GCC1: variants seen among roughly 807,000 people sequenced by gnomAD.
GCC1 encodes the protein GRIP and coiled-coil domain containing 1.
Under a neutral mutation model 62.5 loss-of-function variants are expected in GCC1, and 36 were observed. That is an observed-to-expected ratio of 0.58 (90% CI 0.44 to 0.76). GCC1 has a LOEUF of 0.76. GCC1 is among the 30% of genes least tolerant of loss of function. The pLI is 0.00. For missense variants in GCC1, 885 were observed against 948.3 expected (o/e 0.93, Z 0.88); for synonymous variants, 391 against 386.8 (o/e 1.01, Z -0.13).
chr7:127,585,378 C>T lies in GCC1; in HGVS notation c.-196G>A, dbSNP rs1311192630. 10 of 592,230 alleles carry T rather than the reference C, an allele frequency of 1.7e-5. No individual in the cohort carries two copies. The highest frequency in any genetic ancestry group is 2.9e-5 in the Non-Finnish European group (10 of 341,720). 36.7% of individuals were successfully genotyped at this position (592,230 alleles called of 1,614,324 possible). On this transcript the variant is annotated 5_prime_UTR_variant, in exon 1 of 2. Transcript: ENST00000321407. ...GAAAGCGGCCGCCCGGTCCCAGGCCCGGAGGGCTGGGGCGGATTCTACCCC... is the reference window on the plus strand; with the variant it reads ...GAAAGCGGCCGCCCGGTCCCAGGCCTGGAGGGCTGGGGCGGATTCTACCCC...
rs774525979 is a variant in GCC1, at chr7:127,583,005, G to A, written c.1337C>T (p.Ala446Val). The change falls in exon 2 of 2, where the codon GCG becomes GTG. Residue 446 changes from alanine to valine, a missense_variant. By Grantham distance (64) the Ala-to-Val change is moderately conservative. Coordinates refer to ENST00000321407, the MANE Select transcript of GCC1 (RefSeq NM_024523.6). ...MEKLKRLLQV[A>V]ARKSQVTLDV... ...CAGGGTCACCTGGCTTTTCCTGGCC[G>A]CAACCTGCAGCAGCCTCTTCAGCTT... 12 of 1,614,066 alleles carry A rather than the reference G, an allele frequency of 7.4e-6. No individual in the cohort carries two copies. The highest frequency in any genetic ancestry group is 3.3e-5 in the Admixed American group (2 of 60,012).
intron 1 of GCC1, 31 bp downstream of exon 1, chr7:127,584,120 G>C: frequency 6.3e-7 from 1 of 1,583,144 alleles, no homozygotes; most frequent in East Asian, 2.2e-5. Flanking sequence ...CAGGTCAATG[G>C]CTGATGTTTG....
In GCC1 at chr7:127,585,227, G is replaced by A. The variant is rs376581431; in HGVS notation, c.-45C>T. 6.6e-6 allele frequency: 10 copies of A among 1,513,286 alleles called. No individual in the cohort carries two copies. Among genetic ancestry groups the A allele is most frequent in the South Asian group, 2.6e-5 (2 of 76,766 alleles). The allele number at this position is 1,513,286 out of a possible 1,614,324, so 93.7% of individuals were successfully genotyped here. On this transcript the variant is annotated 5_prime_UTR_variant, in exon 1 of 2. Transcript: ENST00000321407. Reference sequence around the variant, plus strand: ...CCCCACGTCAGCTTTCCAGCAGAACGGGAGAGGGCCGTGAAGACGCAGGCG... The same window carrying A: ...CCCCACGTCAGCTTTCCAGCAGAACAGGAGAGGGCCGTGAAGACGCAGGCG...
Position 127,584,812 on chromosome 7 carries a change from C to G in GCC1, c.371G>C (p.Gly124Ala). The change falls in exon 1 of 2, where the codon GGA becomes GCA. Residue 124 changes from glycine to alanine, a missense_variant. Physicochemically the swap from Gly to Ala is moderately conservative, Grantham distance 60 (BLOSUM62 0). Transcript: ENST00000321407. The stretch of plus-strand genomic sequence containing the variant: ...CTCTTCGGACTTTGGAGGTGGTGGT[C>G]CACGGGCCGGTCTGTCATCTTCTAC... ...FGVEDDRPARGPPPPKSEEAS... is the reference protein window; with the variant it reads ...FGVEDDRPARAPPPPKSEEAS... 1 of 1,614,214 alleles carries G rather than the reference C, an allele frequency of 6.2e-7. No homozygotes were observed. The highest frequency in any genetic ancestry group is 8.5e-7 in the Non-Finnish European group (1 of 1,180,044).
Position 127,581,034 on chromosome 7 carries a change from T to C in GCC1, c.*980A>G, listed in dbSNP as rs1794127647. 6.6e-6 allele frequency: 1 copy of C among 152,238 alleles called. No homozygotes were observed. The highest frequency in any genetic ancestry group is 6.5e-5 in the Admixed American group (1 of 15,292). 9.4% of individuals were successfully genotyped at this position (152,238 alleles called of 1,614,324 possible). On this transcript the variant is annotated 3_prime_UTR_variant, in exon 2 of 2. Transcript: ENST00000321407. ...CCCAGGTTTAGCTGATCTTTACCACTTCCCTGTGAGAGCTACAGCAATCTT... is the reference window on the plus strand; with the variant it reads ...CCCAGGTTTAGCTGATCTTTACCACCTCCCTGTGAGAGCTACAGCAATCTT...
Position 127,581,522 on chromosome 7 carries a change from A to C in GCC1, c.*492T>G, listed in dbSNP as rs1794133674. ...CTAGTGGATGATATGTCACTATTTCAAACTTCCTGGTCCCTTTCCAGCCTG... is the reference window on the plus strand; with the variant it reads ...CTAGTGGATGATATGTCACTATTTCCAACTTCCTGGTCCCTTTCCAGCCTG... On this transcript the variant is annotated 3_prime_UTR_variant, in exon 2 of 2. Coordinates refer to ENST00000321407, the MANE Select transcript of GCC1 (RefSeq NM_024523.6). 6.3e-6 allele frequency: 1 copy of C among 158,140 alleles called. No individual in the cohort carries two copies. Among genetic ancestry groups the C allele is most frequent in the Non-Finnish European group, 1.4e-5 (1 of 71,566 alleles). 9.8% of individuals were successfully genotyped at this position (158,140 alleles called of 1,614,324 possible). A position where few individuals can be genotyped will look rare whatever the true frequency, so the allele number is the denominator to read the frequency against.
Position 127,581,959 on chromosome 7 carries a change from T to C in GCC1, c.*55A>G. The C allele has an allele frequency of 7.4e-7, 1 of 1,354,244 alleles. No individual in the cohort carries two copies. Among genetic ancestry groups the C allele is most frequent in the Non-Finnish European group, 1.0e-6 (1 of 962,556 alleles). 83.9% of individuals were successfully genotyped at this position (1,354,244 alleles called of 1,614,324 possible). A position where few individuals can be genotyped will look rare whatever the true frequency, so the allele number is the denominator to read the frequency against. ...AGAAGAGGCAGCAGAAACCAGAGCC[T>C]GCCCTTTCCCACATAAAAGAGGCAC... On this transcript the variant is annotated 3_prime_UTR_variant, in exon 2 of 2. Coordinates refer to ENST00000321407, the MANE Select transcript of GCC1 (RefSeq NM_024523.6).
Position 127,581,846 on chromosome 7 carries a change from A to T in GCC1, c.*168T>A. 1.6e-6 allele frequency: 1 copy of T among 616,420 alleles called. No individual in the cohort carries two copies. The highest frequency in any genetic ancestry group is 2.9e-6 in the Non-Finnish European group (1 of 350,810). 38.2% of individuals were successfully genotyped at this position (616,420 alleles called of 1,614,324 possible). A position where few individuals can be genotyped will look rare whatever the true frequency, so the allele number is the denominator to read the frequency against. ...TATCTCTAGGGCCTAAGGATAAAGC[A>T]GCATTAATGGCATTTGGCAGAAAAT... On this transcript the variant is annotated 3_prime_UTR_variant, in exon 2 of 2. Coordinates refer to ENST00000321407, the MANE Select transcript of GCC1 (RefSeq NM_024523.6).
At position 127,580,687 on chromosome 7, in the gene GCC1, A is replaced by C. The variant is rs1794123610; in HGVS notation, c.*1327T>G. The C allele has an allele frequency of 6.6e-6, 1 of 152,232 alleles. No homozygotes were observed. Among genetic ancestry groups the C allele is most frequent in the Admixed American group, 6.5e-5 (1 of 15,288 alleles). The allele number at this position is 152,232 out of a possible 1,614,324, so 9.4% of individuals were successfully genotyped here. ...GACACATAAACTTCTGTTCCATTTA[A>C]GTCTGCTCACTGTAGATAATCCAGG... On this transcript the variant is annotated 3_prime_UTR_variant, in exon 2 of 2. Transcript: ENST00000321407.
chr7:127,584,795 A>G lies in GCC1; in HGVS notation c.388T>C (p.Ser130Pro), dbSNP rs1794180332. The G allele has an allele frequency of 6.2e-7, 1 of 1,613,866 alleles. No individual in the cohort carries two copies. Among genetic ancestry groups the G allele is most frequent in the Non-Finnish European group, 8.5e-7 (1 of 1,180,002 alleles). The change falls in exon 1 of 2, where the codon TCC (serine) becomes CCC (proline). Residue 130 changes from serine to proline, a missense_variant. Coordinates refer to ENST00000321407, the MANE Select transcript of GCC1 (RefSeq NM_024523.6). ...RPARGPPPPK[S>P]EEASWSESGV... ...CTCTCGGACCAACTGGCCTCTTCGG[A>G]CTTTGGAGGTGGTGGTCCACGGGCC...
rs1301868824 is a variant in GCC1 at position 127,584,985 on chromosome 7, A to G, written c.198T>C (p.Asp66=). Residue 66 remains aspartate (D), a synonymous_variant, in exon 1 of 2, where the codon GAT becomes GAC. Coordinates refer to ENST00000321407, the MANE Select transcript of GCC1 (RefSeq NM_024523.6). ...GAAGCTGGACACCTGCGAGGCCCAC[A>G]TCTGCCTCGTGGGATACCGACAGCA... ...IKVLSVSHEA[D]VGLAGVQLPG... The G allele has an allele frequency of 6.2e-7, 1 of 1,614,076 alleles. No individual in the cohort carries two copies. The highest frequency in any genetic ancestry group is 2.2e-5 in the East Asian group (1 of 44,890).
chr7:127,585,454 G>T lies in GCC1; in HGVS notation c.-272C>A. 8.5e-6 allele frequency: 4 copies of T among 469,504 alleles called. No individual in the cohort carries two copies. In the South Asian group the frequency reaches 1.2e-4, roughly 14 times the overall value. The allele number at this position is 469,504 out of a possible 1,614,324, so 29.1% of individuals were successfully genotyped here. On this transcript the variant is annotated 5_prime_UTR_variant, in exon 1 of 2. Transcript: ENST00000321407. ...AGGTGCGCACTGCCAGGGCTCGTTAGCGCTGGCCCAGAAGCCGCTCCGCAC... is the reference window on the plus strand; with the variant it reads ...AGGTGCGCACTGCCAGGGCTCGTTATCGCTGGCCCAGAAGCCGCTCCGCAC...
In GCC1 at chr7:127,585,122, T is replaced by G; in HGVS notation, c.61A>C (p.Ile21Leu). Residue 21 changes from isoleucine to leucine, a missense_variant, in exon 1 of 2, where the codon ATA becomes CTA. Ile to Leu is a conservative substitution (Grantham distance 5, BLOSUM62 2). Transcript: ENST00000321407. ...GPSKKDLLET[I>L]ETQKKQLLQY... Reference sequence around the variant, plus strand: ...AGAAGCTGCTTCTTCTGGGTCTCTATAGTCTCCAGCAAGTCCTTCTTGCTC... The same window carrying G: ...AGAAGCTGCTTCTTCTGGGTCTCTAGAGTCTCCAGCAAGTCCTTCTTGCTC... 3 of 1,613,318 alleles carry G rather than the reference T, an allele frequency of 1.9e-6. No individual in the cohort carries two copies. The highest frequency in any genetic ancestry group is 2.5e-6 in the Non-Finnish European group (3 of 1,179,724).
In GCC1 at chr7:127,582,117, G is replaced by C. The variant is rs747358214; in HGVS notation, c.2225C>G (p.Thr742Ser). 83 of 1,614,068 alleles carry C rather than the reference G, an allele frequency of 5.1e-5. No individual in the cohort carries two copies. Among genetic ancestry groups the C allele is most frequent in the Non-Finnish European group, 6.4e-5 (76 of 1,180,026 alleles). Residue 742 changes from threonine to serine, a missense_variant, in exon 2 of 2, where the codon ACT becomes AGT. Coordinates refer to ENST00000321407, the MANE Select transcript of GCC1 (RefSeq NM_024523.6). The surrounding 1 kb of genome is among the most constrained non-coding windows in gnomAD (Gnocchi z 4.8). ...TLPDSLGRQQ[T>S]LTAILTILHF... ...CAAGATAGTCAGTATGGCTGTGAGA[G>C]TCTGCTGGCGGCCCAGGGAGTCAGG...
chr7:127,582,876 T>A lies in GCC1; in HGVS notation c.1466A>T (p.Lys489Met). 1 of 1,614,212 alleles carries A rather than the reference T, an allele frequency of 6.2e-7. No individual in the cohort carries two copies. The highest frequency in any genetic ancestry group is 8.5e-7 in the Non-Finnish European group (1 of 1,180,032). ...CATCTTGTACCTCTCAAACTCTTCC[T>A]TCAGCTGTTTCAGCTCCTGTTGGTA... Reference protein sequence around the residue: ...LYYQQELKQLKEEFERYKMRA... With the variant: ...LYYQQELKQLMEEFERYKMRA... Residue 489 changes from lysine to methionine, a missense_variant, in exon 2 of 2, where the codon AAG becomes ATG. Transcript: ENST00000321407. This position sits in a 1 kb window ranked among gnomAD's most constrained non-coding sequence, Gnocchi z 4.8.
Position 127,583,104 on chromosome 7 carries a change from G to T in GCC1, c.1238C>A (p.Ser413Tyr). The T allele has an allele frequency of 6.2e-7, 1 of 1,614,122 alleles. No homozygotes were observed. Among genetic ancestry groups the T allele is most frequent in the Non-Finnish European group, 8.5e-7 (1 of 1,180,034 alleles). ...ATGGCTGTCTAAAGGGGACCTGCTG[G>T]AGGCTGCTAGAGCCAGTGTCTTGTT... ...LENKTLALAA[S>Y]SRSPLDSHGE... is the part of the protein sequence containing the mutation. The change falls in exon 2 of 2, where the codon TCC becomes TAC. Residue 413 changes from serine (S) to tyrosine (Y), a missense_variant. Coordinates refer to ENST00000321407, the MANE Select transcript of GCC1 (RefSeq NM_024523.6).
In GCC1 at chr7:127,582,188, GGCTCCCTCCCT is replaced by G. The variant is rs780756357; in HGVS notation, c.2143_2153del (p.Arg715GlnfsTer17). ...TGATGTTTTTGAGGTACTCCAGATT[GGCTCCCTCCCT>G]GCTCTGGTCCCTGATGTTCTTTTCG... On this transcript the variant is annotated frameshift_variant, in exon 2 of 2. Transcript: ENST00000321407. LOFTEE classifies it high-confidence loss of function. The surrounding 1 kb of genome is among the most constrained non-coding windows in gnomAD (Gnocchi z 4.8). 2 of 1,614,156 alleles carry G rather than the reference GGCTCCCTCCCT, an allele frequency of 1.2e-6. No individual in the cohort carries two copies. The highest frequency in any genetic ancestry group is 1.7e-6 in the Non-Finnish European group (2 of 1,180,036).
Position 127,582,617 on chromosome 7 carries a change from C to T in GCC1, c.1725G>A (p.Arg575=). The change falls in exon 2 of 2, where the codon AGG becomes AGA. Residue 575 remains arginine, a synonymous_variant. Coordinates refer to ENST00000321407, the MANE Select transcript of GCC1 (RefSeq NM_024523.6). The surrounding 1 kb of genome is among the most constrained non-coding windows in gnomAD (Gnocchi z 4.8). ...CCTCCTCCAGTTTCAGTGTGCGGTCCCTGAAGTCCAGCTGGCACCGCTCCA... is the reference window on the plus strand; with the variant it reads ...CCTCCTCCAGTTTCAGTGTGCGGTCTCTGAAGTCCAGCTGGCACCGCTCCA... ...QELERCQLDF[R]DRTLKLEEEL... 6.2e-7 allele frequency: 1 copy of T among 1,612,884 alleles called. No homozygotes were observed. The highest frequency in any genetic ancestry group is 8.5e-7 in the Non-Finnish European group (1 of 1,179,908).
At position 127,585,064 on chromosome 7, in the gene GCC1, C is replaced by G. The variant is rs373459451; in HGVS notation, c.119G>C (p.Arg40Pro). 3 of 1,614,058 alleles carry G rather than the reference C, an allele frequency of 1.9e-6. No homozygotes were observed. The part of the protein sequence containing the change: ...QYQARLKDVV[R>P]AYKSLLKEKE... Reference sequence around the variant, plus strand: ...CTCCTTCAGCAGGCTTTTATAGGCACGGACCACATCCTTGAGCCGTGCCTG... The same window carrying G: ...CTCCTTCAGCAGGCTTTTATAGGCAGGGACCACATCCTTGAGCCGTGCCTG... The change falls in exon 1 of 2, where the codon CGT becomes CCT. Residue 40 changes from arginine (R) to proline (P), a missense_variant. Arg to Pro is a moderately radical substitution (Grantham distance 103). Transcript: ENST00000321407.
Sources: gnomAD v4.1 joint callset for allele counts on GRCh38, gnomAD v4.1.1 for gene constraint, Gnocchi (gnomAD v3.1) non-coding constraint, MANE v1.5 for transcripts, NCBI Gene and HGNC (gene_info 2026-07-23, HGNC 2026-07-21) for gene names.